The following KPNB1 variants were observed in gnomAD, a reference collection of about 807,000 sequenced individuals.
KPNB1 encodes importin subunit beta-1.
In KPNB1, 7 loss-of-function variants were observed where a neutral mutation model predicts 113.0. The ratio of observed to expected loss-of-function variants is 0.06; its 90% CI spans 0.04 to 0.12. The LOEUF (loss-of-function observed/expected upper bound fraction) is 0.12. Ranked by LOEUF, KPNB1 falls within the 10% of genes least tolerant of loss-of-function variation. KPNB1 has a pLI of 1.00. For synonymous variants in KPNB1, 363 were observed against 378.6 expected (o/e 0.96, Z 0.48); for missense variants, 400 against 1,054.8 (o/e 0.38, Z 8.60).
chr17:47,668,254 C>A lies in KPNB1; in HGVS notation c.1068C>A (p.Ala356=). Residue 356 remains alanine, a synonymous_variant, in exon 10 of 22, where the codon GCC becomes GCA. Coordinates refer to ENST00000290158, the MANE Select transcript of KPNB1 (RefSeq NM_002265.6). The part of the protein sequence containing the change: ...KAAGVCLMLL[A]TCCEDDIVPH... ...CAGGGGTGTGCCTCATGCTTCTGGC[C>A]ACCTGCTGTGAAGATGACATTGTCC... 1 of 1,614,130 alleles carries A rather than the reference C, an allele frequency of 6.2e-7. No individual in the cohort carries two copies. The highest frequency in any genetic ancestry group is 8.5e-7 in the Non-Finnish European group (1 of 1,180,036).
Position 47,678,168 on chromosome 17 carries a change from C to T in KPNB1, c.2226C>T (p.Ala742=), listed in dbSNP as rs1166298198. The change falls in exon 18 of 22, where the codon GCC becomes GCT. Residue 742 remains alanine (A), a synonymous_variant. Coordinates refer to ENST00000290158, the MANE Select transcript of KPNB1 (RefSeq NM_002265.6). ...TTGTATTGAATACTCTTCAGCAGGC[C>T]TCCCAAGCCCAGGTGGACAAGGTAA... The part of the protein sequence containing the change: ...LEVVLNTLQQ[A]SQAQVDKSDY... The T allele has an allele frequency of 6.2e-7, 1 of 1,614,110 alleles. No homozygotes were observed. Among genetic ancestry groups the T allele is most frequent in the Non-Finnish European group, 8.5e-7 (1 of 1,180,040 alleles).
rs1208827017 is a variant in KPNB1, at chr17:47,650,408, G to A, written c.63G>A (p.Ala21=). 6.2e-6 allele frequency: 10 copies of A among 1,609,902 alleles called. No homozygotes were observed. The South Asian group carries it at 1.1e-4, about 18-fold the overall frequency. ...TAGATCGGCTGGAGCTGGAAGCGGCGCAGAAGTTCCTGGAGCGTGCGGCCG... is the reference window on the plus strand; with the variant it reads ...TAGATCGGCTGGAGCTGGAAGCGGCACAGAAGTTCCTGGAGCGTGCGGCCG... The part of the protein sequence containing the change: ...VSPDRLELEA[A]QKFLERAAVE... Residue 21 remains alanine (A), a synonymous_variant, in exon 2 of 22, where the codon GCG becomes GCA. Coordinates refer to ENST00000290158, the MANE Select transcript of KPNB1 (RefSeq NM_002265.6).
chr17:47,667,072 G>T (rs1171794491), intron 9 of KPNB1, among the ~76,000 whole-genome samples: 5 of 152,176 alleles, frequency 3.3e-5, no homozygotes, highest in African/African-American at 1.2e-4. Context: ...CTTAAGAGGA[G>T]ATATTAGTGG....
intron 19 of KPNB1, 55 bp downstream of exon 19, chr17:47,678,468 G>A (rs1597940398): frequency 8.2e-7 from 1 of 1,225,812 alleles, no homozygotes; most frequent in East Asian, 2.3e-5. Context: ...ACTTAGCCAA[G>A]TGGGCTATGT....
intron 21 of KPNB1, among the ~76,000 whole-genome samples, chr17:47,682,134 T>C (rs1213153627): frequency 1.3e-5 from 2 of 152,198 alleles, no homozygotes; most frequent in African/African-American, 2.4e-5. Flanking sequence ...CAGACTGAAA[T>C]ACAGTTTTAA....
rs764830162 is a variant in KPNB1, at chr17:47,663,198, T to C, written c.786+20T>C. The C allele has an allele frequency of 8.0e-7, 1 of 1,253,936 alleles. No individual in the cohort carries two copies. The highest frequency in any genetic ancestry group is 1.2e-5 in the South Asian group (1 of 83,654). The allele number at this position is 1,253,936 out of a possible 1,614,324, so 77.7% of individuals were successfully genotyped here. A position where few individuals can be genotyped will look rare whatever the true frequency, so the allele number is the denominator to read the frequency against. ...TTTGCAGTAAGTATTTCTATTTATGTGATTTGAGCTTGTGGCTAATTACAG... is the reference window on the plus strand; with the variant it reads ...TTTGCAGTAAGTATTTCTATTTATGCGATTTGAGCTTGTGGCTAATTACAG... On this transcript the variant is annotated intron_variant, in intron 7 of 21. Transcript: ENST00000290158.
intron 2 of KPNB1, among the ~76,000 whole-genome samples, chr17:47,650,836 C>A (rs1915541170): frequency 6.6e-6 from 1 of 152,282 alleles, no homozygotes; most frequent in South Asian, 2.1e-4. Flanking sequence ...CCCGGCCGCC[C>A]GCCCTGTCTG....
chr17:47,671,004 C>G (rs1337829706), intron 12 of KPNB1, among the ~76,000 whole-genome samples, 172 bp downstream of exon 12: 1 of 152,232 alleles, frequency 6.6e-6, no homozygotes, highest in Non-Finnish European at 1.5e-5. Flanking sequence ...GCCTATATTC[C>G]CAGCACTTTG....
rs566312971 is a variant in KPNB1, at chr17:47,666,962, T to TA, written c.1000-1223dup. Among the ~76,000 whole-genome samples the TA allele has an allele frequency of 5.7e-3, 874 of 152,184 alleles. 4 individuals are homozygous for TA. Among genetic ancestry groups the TA allele is most frequent in the Non-Finnish European group, 1.0e-2 (677 of 68,004 alleles). ...GTGCTTTTCCTATTTGAGAACAAAT[T>TA]ATTCTTTGTGTGATTTTCTGAAACT... is the stretch of plus-strand genomic sequence containing the variant. On this transcript the variant is annotated intron_variant, in intron 9 of 21. Coordinates refer to ENST00000290158, the MANE Select transcript of KPNB1 (RefSeq NM_002265.6).
In KPNB1 at chr17:47,650,003, C is replaced by G. The variant is rs761809559; in HGVS notation, c.-242C>G. On this transcript the variant is annotated 5_prime_UTR_variant, in exon 1 of 22. Transcript: ENST00000290158. The stretch of plus-strand genomic sequence containing the variant: ...CCGAGCACCAGCGCGCTCTGAGCTG[C>G]CCCCAGGGTCCCTCCCCCGCCGCCA... 3 of 1,359,360 alleles carry G rather than the reference C, an allele frequency of 2.2e-6. No homozygotes were observed. Among genetic ancestry groups the G allele is most frequent in the African/African-American group, 3.0e-5 (2 of 65,940 alleles). The allele number at this position is 1,359,360 out of a possible 1,614,324, so 84.2% of individuals were successfully genotyped here. A position where few individuals can be genotyped will look rare whatever the true frequency, so the allele number is the denominator to read the frequency against.
At chr17:47,667,755 A>T (rs78581603) in intron 9 of KPNB1, among the ~76,000 whole-genome samples, 1 of 151,456 alleles carries the variant, frequency 6.6e-6, no homozygotes, top group Non-Finnish European at 1.5e-5. Flanking sequence ...ATGGGGTTTC[A>T]CCATGTTGAC....
Position 47,683,090 on chromosome 17 carries a change from TAAAAAAAAAA to T in KPNB1, c.*706_*715del, listed in dbSNP as rs1157291179. The T allele has an allele frequency of 1.3e-3, 22 of 17,256 alleles. No homozygotes were observed. Among genetic ancestry groups the T allele is most frequent in the Admixed American group, 3.9e-3 (4 of 1,018 alleles). 1.1% of individuals were successfully genotyped at this position (17,256 alleles called of 1,614,324 possible). On this transcript the variant is annotated 3_prime_UTR_variant, in exon 22 of 22. Coordinates refer to ENST00000290158, the MANE Select transcript of KPNB1 (RefSeq NM_002265.6). ...GTTTACTGATGCAGCACAAGAGATGTAAAAAAAAAAAAAAAAAAAAAAAAAAAAACACACA... is the reference window on the plus strand; with the variant it reads ...GTTTACTGATGCAGCACAAGAGATGTAAAAAAAAAAAAAAAAAAACACACA...
In KPNB1 at chr17:47,650,274, C is replaced by G; in HGVS notation, c.30C>G (p.Thr10=). 1 of 1,603,804 alleles carries G rather than the reference C, an allele frequency of 6.2e-7. No homozygotes were observed. The highest frequency in any genetic ancestry group is 8.5e-7 in the Non-Finnish European group (1 of 1,175,206). MELITILEK[T]VSPDRLELEA... is the part of the protein sequence containing the mutation. ...AGCTGATCACCATTCTCGAGAAGAC[C>G]GTGTCTCCCGGTAGGACGCAGGAGC... is the stretch of plus-strand genomic sequence containing the variant. The change falls in exon 1 of 22, where the codon ACC becomes ACG. Residue 10 remains threonine (T), a synonymous_variant. Coordinates refer to ENST00000290158, the MANE Select transcript of KPNB1 (RefSeq NM_002265.6).
chr17:47,660,592 G>A (rs1376214372), intron 5 of KPNB1, among the ~76,000 whole-genome samples: 2 of 152,146 alleles, frequency 1.3e-5, no homozygotes, highest in Non-Finnish European at 2.9e-5. Flanking sequence ...AGAGCAAATG[G>A]CAATTCTAAT....
intron 3 of KPNB1, 27 bp from the exon 4 acceptor site, chr17:47,656,833 T>C: frequency 6.4e-7 from 1 of 1,574,546 alleles, no homozygotes. Flanking sequence ...TAGAAATTTG[T>C]ATCTTTTGTC....
chr17:47,651,807 G>GGT (rs1915581908), intron 2 of KPNB1, among the ~76,000 whole-genome samples: 1 of 152,102 alleles, frequency 6.6e-6, no homozygotes, highest in East Asian at 1.9e-4. Flanking sequence ...TTGGTGGAGA[G>GGT]GTGTGTGTGT....
At chr17:47,654,075 T>C (rs1915653156) in intron 3 of KPNB1, among the ~76,000 whole-genome samples, 2 of 152,210 alleles carry the variant, frequency 1.3e-5, no homozygotes, top group Non-Finnish European at 2.9e-5. Context: ...TGTAATTGGC[T>C]TATTTTTTGG....
chr17:47,650,528 C>A, intron 2 of KPNB1, 84 bp downstream of exon 2: 1 of 1,211,340 alleles, frequency 8.3e-7, no homozygotes, highest in Non-Finnish European at 1.2e-6. Context: ...AGGCCCAGGC[C>A]TCGGGAACCT....
intron 2 of KPNB1, chr17:47,651,315 T>G (rs1915562212): frequency 1.0e-6 from 1 of 985,264 alleles, no homozygotes; most frequent in Non-Finnish European, 1.2e-6. Context: ...TTGGTGTCCA[T>G]CTCCTGTTGG....
Sources: gnomAD v4.1 joint callset for allele counts (sites outside exome capture counted in the v4.1 genomes callset) on GRCh38, gnomAD v4.1.1 for gene constraint, MANE v1.5 for transcripts, NCBI Gene and HGNC (gene_info 2026-07-23, HGNC 2026-07-21) for gene names.